The following WDR27 variants were observed in gnomAD, a reference collection of about 807,000 sequenced individuals.
WDR27 encodes WD repeat domain 27.
WDR27 carries 100 observed loss-of-function variants against 114.4 expected under a neutral mutation model. That is an observed-to-expected ratio of 0.87 (90% CI 0.74 to 1.03). The LOEUF is 1.03. Among genes scored for constraint, WDR27 ranks in the 50% least tolerant of loss-of-function variants. The pLI, the probability that WDR27 is intolerant of heterozygous loss-of-function variation, is 0.00. For synonymous variants in WDR27, 449 were observed against 423.1 expected, an observed-to-expected ratio of 1.06 and a Z score of -0.75; for missense variants, 1,129 against 1,092.9, an observed-to-expected ratio of 1.03 and a Z score of -0.47.
intron 25 of WDR27, among the ~76,000 whole-genome samples, chr6:169,486,825 T>A (rs1347823442): frequency 3.3e-5 from 5 of 152,234 alleles, no homozygotes; most frequent in Non-Finnish European, 7.3e-5. Flanking sequence ...TTTTCCTCGA[T>A]GTTTTCACAG....
chr6:169,443,043 G>A, the WDR27 span, among the ~76,000 whole-genome samples: 1 of 152,218 alleles, frequency 6.6e-6, no homozygotes, highest in Non-Finnish European at 1.5e-5. Flanking sequence ...TTTAAAGAAA[G>A]AATTACCTAT....
At chr6:169,516,220 T>C (rs565292316) in intron 25 of WDR27, among the ~76,000 whole-genome samples, 1 of 152,302 alleles carries the variant, frequency 6.6e-6, no homozygotes, top group African/African-American at 2.4e-5. Flanking sequence ...GAATCTGCTG[T>C]AGTAAGAAAT....
At chr6:169,565,405 C>G (rs1440537828) in intron 25 of WDR27, among the ~76,000 whole-genome samples, 1 of 152,168 alleles carries the variant, frequency 6.6e-6, no homozygotes, top group Non-Finnish European at 1.5e-5. Context: ...AGGCGGAACA[C>G]TGCCCCGCAT....
chr6:169,649,157 G>C (rs1821582934), intron 15 of WDR27, 41 bp downstream of exon 15: 1 of 1,517,564 alleles, frequency 6.6e-7, no homozygotes, highest in East Asian at 2.4e-5. Flanking sequence ...AAAGGTCTAG[G>C]TTATTTCAAA....
At chr6:169,615,020 T>G (rs1286656623) in intron 21 of WDR27, among the ~76,000 whole-genome samples, 2 of 151,932 alleles carry the variant, frequency 1.3e-5, no homozygotes, top group Non-Finnish European at 2.9e-5. Context: ...TTAAAAAATG[T>G]GTTCAATCCA....
intron 21 of WDR27, among the ~76,000 whole-genome samples, chr6:169,623,634 G>A (rs1292302897): frequency 6.6e-6 from 1 of 152,196 alleles, no homozygotes. Context: ...CATGGTGGGG[G>A]AGCATCAACA....
intron 22 of WDR27, among the ~76,000 whole-genome samples, chr6:169,605,108 CA>C (rs59884264): frequency 2.9e-4 from 22 of 76,210 alleles, no homozygotes; most frequent in East Asian, 3.1e-3. Context: ...AGCAATTAGG[CA>C]AAAAAAAAAA....
At chr6:169,652,602 G>A (rs1049454598) in intron 13 of WDR27, among the ~76,000 whole-genome samples, 10 of 152,176 alleles carry the variant, frequency 6.6e-5, no homozygotes, top group East Asian at 1.9e-4. Flanking sequence ...CTGACATCAC[G>A]TGAACTTACC....
At chr6:169,658,991 C>G in intron 12 of WDR27, 95 bp downstream of exon 12, 1 of 1,448,614 alleles carries the variant, frequency 6.9e-7, no homozygotes, top group African/African-American at 1.4e-5. Context: ...CCGGCCAGAG[C>G]TCAGAGTTTT....
chr6:169,480,332 G>T lies in WDR27; in HGVS notation c.2646-22698C>A, dbSNP rs546217027. 3.3e-5 allele frequency among the ~76,000 whole-genome samples: 5 copies of T among 152,276 alleles called. No homozygotes were observed. The South Asian group carries it at 1.0e-3, about 32-fold the overall frequency. ...CCCGAGCCCCACCCCTGCCACTCCC[G>T]TGAGCTCCCACGTGGCCCGAGCCTC... On this transcript the variant is annotated intron_variant, in intron 25 of 25. Transcript: ENST00000448612.
intron 25 of WDR27, among the ~76,000 whole-genome samples, chr6:169,481,679 C>G (rs1030214033): frequency 1.3e-5 from 2 of 152,200 alleles, no homozygotes; most frequent in African/African-American, 4.8e-5. Context: ...TGCAGCTTCA[C>G]TTCTGAAGCC....
the WDR27 span, among the ~76,000 whole-genome samples, chr6:169,435,931 T>G: frequency 6.6e-6 from 1 of 152,362 alleles, no homozygotes; most frequent in South Asian, 2.1e-4. Flanking sequence ...GTCACAAATA[T>G]AATTTGAATC....
chr6:169,534,190 G>T (rs1177312119), intron 25 of WDR27, among the ~76,000 whole-genome samples: 1 of 152,192 alleles, frequency 6.6e-6, no homozygotes, highest in Non-Finnish European at 1.5e-5. Flanking sequence ...TGCATTACAT[G>T]TGCTAATTTG....
At chr6:169,442,641 G>A in the WDR27 span, among the ~76,000 whole-genome samples, 1 of 152,138 alleles carries the variant, frequency 6.6e-6, no homozygotes, top group African/African-American at 2.4e-5. Context: ...AGTAGTGGTG[G>A]CTCTGGCTGT....
chr6:169,464,556 T>A (rs1212984734), intron 25 of WDR27, among the ~76,000 whole-genome samples: 1 of 152,138 alleles, frequency 6.6e-6, no homozygotes, highest in African/African-American at 2.4e-5. Flanking sequence ...AGTTTGTGCA[T>A]AAAAAGGTAC....
chr6:169,473,411 A>G (rs1243079670), intron 25 of WDR27, among the ~76,000 whole-genome samples: 2 of 152,198 alleles, frequency 1.3e-5, no homozygotes, highest in Non-Finnish European at 2.9e-5. Context: ...AAAACAGGGA[A>G]TGAGTTATTT....
chr6:169,583,642 A>G (rs930061663), intron 23 of WDR27, among the ~76,000 whole-genome samples: 1 of 151,742 alleles, frequency 6.6e-6, no homozygotes, highest in Non-Finnish European at 1.5e-5. Context: ...AGATGAGATA[A>G]TCATTAAGTA....
intron 2 of WDR27, among the ~76,000 whole-genome samples, chr6:169,688,330 G>GTC (rs1440589424): frequency 1.3e-5 from 2 of 152,146 alleles, no homozygotes; most frequent in African/African-American, 4.8e-5. Flanking sequence ...TTAACCTGTG[G>GTC]TATTAGAAGT....
chr6:169,691,154 G>A (rs1784403647), intron 1 of WDR27, among the ~76,000 whole-genome samples: 1 of 152,160 alleles, frequency 6.6e-6, no homozygotes, highest in South Asian at 2.1e-4. Context: ...GGCAGAGCTT[G>A]CAGTGAGCCG....
Sources: allele counts gnomAD v4.1 joint callset (sites outside exome capture counted in the v4.1 genomes callset), GRCh38; gene constraint gnomAD v4.1.1; transcripts MANE v1.5; gene names NCBI Gene and HGNC (gene_info 2026-07-23, HGNC 2026-07-21).